The following KIF18B variants were observed in gnomAD, a reference collection of about 807,000 sequenced individuals.
KIF18B encodes the protein kinesin family member 18B.
Under a neutral mutation model 80.9 loss-of-function variants are expected in KIF18B, and 49 were observed. The observed-to-expected ratio is 0.61, with a 90% CI of 0.48 to 0.77. The LOEUF (loss-of-function observed/expected upper bound fraction) is 0.77, where lower values mean the gene tolerates loss of function less well. Among genes scored for constraint, KIF18B ranks in the 30% least tolerant of loss-of-function variants. The pLI is 0.00. For missense variants in KIF18B, 994 were observed against 1,127.7 expected (o/e 0.88, Z 1.70); for synonymous variants, 439 against 463.9 (o/e 0.95, Z 0.69).
intron 1 of KIF18B, among the ~76,000 whole-genome samples, chr17:44,943,838 C>T (rs1305461529): frequency 6.6e-6 from 1 of 152,168 alleles, no homozygotes; most frequent in Non-Finnish European, 1.5e-5. Context: ...ATGTCACCTA[C>T]CTCCCCAGTA....
Position 44,927,130 on chromosome 17 carries a change from G to A in KIF18B, c.2277-52C>T. 1 of 1,401,432 alleles carries A rather than the reference G, an allele frequency of 7.1e-7. No homozygotes were observed. Among genetic ancestry groups the A allele is most frequent in the Non-Finnish European group, 9.8e-7 (1 of 1,019,832 alleles). 86.8% of individuals were successfully genotyped at this position (1,401,432 alleles called of 1,614,324 possible). On this transcript the variant is annotated intron_variant, in intron 13 of 15. Transcript: ENST00000593135. The surrounding 1 kb of genome is among the most constrained non-coding windows in gnomAD (Gnocchi z 4.1). ...CTGATCAGCAGGGAACCGGAAGCAA[G>A]GCCAGCCACTTCCTCCCTCCAGCCC...
chr17:44,947,113 C>CAAAAAAAAAAAAAAAAAAA (rs57955845), intron 1 of KIF18B, among the ~76,000 whole-genome samples: 5 of 54,008 alleles, frequency 9.3e-5, no homozygotes, highest in Admixed American at 2.8e-4. Flanking sequence ...ACTCCATCTC[C>CAAAAAAAAAAAAAAAAAAA]AAAAAAAAAA....
At chr17:44,944,577 G>T (rs2052478741) in intron 1 of KIF18B, among the ~76,000 whole-genome samples, 1 of 152,072 alleles carries the variant, frequency 6.6e-6, no homozygotes, top group African/African-American at 2.4e-5. Flanking sequence ...TGTTATTTTT[G>T]ATATCGTAAA....
chr17:44,939,389 A>AAAAAAAAAAAAAAAAAAAAAAAAAT, intron 1 of KIF18B, among the ~76,000 whole-genome samples: 1 of 150,876 alleles, frequency 6.6e-6, no homozygotes, highest in Admixed American at 6.6e-5. Flanking sequence ...AAAAAAAAAA[A>AAAAAAAAAAAAAAAAAAAAAAAAAT]AAAGAAACAT....
At position 44,928,277 on chromosome 17, in the gene KIF18B, G is replaced by C. The variant is rs760682716; in HGVS notation, c.2025C>G (p.Pro675=). The C allele has an allele frequency of 3.1e-6, 5 of 1,613,434 alleles. No homozygotes were observed. Among genetic ancestry groups the C allele is most frequent in the Non-Finnish European group, 4.2e-6 (5 of 1,179,794 alleles). ...AGGGGGAGGAGGCCCTTTCTCCTTT[G>C]GGGGTGCTGGGCCCCTGTGAAGGTT... The part of the protein sequence containing the change: ...DTQPSQGPST[P]KGERASSPCH... The change falls in exon 13 of 16, where the codon CCC becomes CCG. Residue 675 remains proline, a synonymous_variant. Coordinates refer to ENST00000593135, the MANE Select transcript of KIF18B (RefSeq NM_001265577.2).
rs1567793328 is a variant in KIF18B, at chr17:44,934,795, TG to T, written c.576+35del. ...TTTGTGAGGGAACCCCAAGGACCCATGGGGCCGATCATCCTACCCGAGCCCA... is the reference window on the plus strand; with the variant it reads ...TTTGTGAGGGAACCCCAAGGACCCATGGGCCGATCATCCTACCCGAGCCCA... On this transcript the variant is annotated intron_variant, in intron 4 of 15. Transcript: ENST00000593135. The surrounding 1 kb of genome is among the most constrained non-coding windows in gnomAD (Gnocchi z 5.4). 6.8e-7 allele frequency: 1 copy of T among 1,465,008 alleles called. No homozygotes were observed. The highest frequency in any genetic ancestry group is 9.3e-7 in the Non-Finnish European group (1 of 1,073,870). The allele number at this position is 1,465,008 out of a possible 1,614,324, so 90.8% of individuals were successfully genotyped here.
chr17:44,929,086 T>C, intron 11 of KIF18B, 62 bp from the exon 12 acceptor site: 11 of 1,429,780 alleles, frequency 7.7e-6, no homozygotes, highest in Non-Finnish European at 1.1e-5. Context: ...GGAGCCTCTA[T>C]GCCATGCACC....
chr17:44,931,554 C>T (rs758349068), intron 11 of KIF18B, 48 bp downstream of exon 11: 1 of 1,612,958 alleles, frequency 6.2e-7, no homozygotes, highest in Non-Finnish European at 8.5e-7. Flanking sequence ...GGAGGCTGAG[C>T]CCATTGCTTC....
intron 1 of KIF18B, among the ~76,000 whole-genome samples, chr17:44,941,021 C>T (rs2052404517): frequency 6.8e-6 from 1 of 147,300 alleles, no homozygotes; most frequent in Non-Finnish European, 1.5e-5. Context: ...TGCATATCAT[C>T]TCCTTTTATC....
intron 11 of KIF18B, among the ~76,000 whole-genome samples, chr17:44,930,718 C>G (rs1408061035): frequency 6.6e-5 from 10 of 152,150 alleles, no homozygotes; most frequent in Admixed American, 6.5e-4. Context: ...GGTGTCCTCT[C>G]TCCTTATAAC....
At position 44,928,278 on chromosome 17, in the gene KIF18B, G is replaced by C. The variant is rs202002436; in HGVS notation, c.2024C>G (p.Pro675Arg). The change falls in exon 13 of 16, where the codon CCC (proline) becomes CGC (arginine). Residue 675 changes from proline (P) to arginine (R), a missense_variant. Coordinates refer to ENST00000593135, the MANE Select transcript of KIF18B (RefSeq NM_001265577.2). ...DTQPSQGPST[P>R]KGERASSPCH... ...GGGGGAGGAGGCCCTTTCTCCTTTG[G>C]GGGTGCTGGGCCCCTGTGAAGGTTG... 1,512 of 1,613,522 alleles carry C rather than the reference G, an allele frequency of 9.4e-4. 1 individual carries two copies. The highest frequency in any genetic ancestry group is 1.2e-3 in the Non-Finnish European group (1,393 of 1,179,798).
In KIF18B at chr17:44,925,859, C is replaced by A; in HGVS notation, c.*221G>T. 1 of 597,424 alleles carries A rather than the reference C, an allele frequency of 1.7e-6. No individual in the cohort carries two copies. The highest frequency in any genetic ancestry group is 3.0e-6 in the Non-Finnish European group (1 of 336,634). The allele number at this position is 597,424 out of a possible 1,614,324, so 37.0% of individuals were successfully genotyped here. On this transcript the variant is annotated 3_prime_UTR_variant, in exon 16 of 16. Transcript: ENST00000593135. The stretch of plus-strand genomic sequence containing the variant: ...ATTAACACTCACAAATGAATATGTA[C>A]ATGCCAAGAAGCTGAGTGTAACAGG...
At chr17:44,935,945 G>A (rs1322075756) in intron 2 of KIF18B, 87 bp downstream of exon 2, 23 of 1,232,564 alleles carry the variant, frequency 1.9e-5, no homozygotes, top group Middle Eastern at 2.3e-4. Flanking sequence ...TGGGGGAGGC[G>A]GGCACATGCC....
At chr17:44,931,879 T>C in intron 10 of KIF18B, 150 bp from the exon 11 acceptor site, 4 of 1,230,700 alleles carry the variant, frequency 3.3e-6, no homozygotes, top group Non-Finnish European at 3.4e-6. Flanking sequence ...CACAAGGATC[T>C]GATAAGAGTA....
At chr17:44,941,569 C>G (rs917961191) in intron 1 of KIF18B, among the ~76,000 whole-genome samples, 1 of 152,112 alleles carries the variant, frequency 6.6e-6, no homozygotes, top group Non-Finnish European at 1.5e-5. Context: ...GCACCCCTGA[C>G]CTCAGGTGAT....
chr17:44,945,723 G>A (rs904544228), intron 1 of KIF18B, among the ~76,000 whole-genome samples: 4 of 151,182 alleles, frequency 2.6e-5, no homozygotes, highest in East Asian at 2.0e-4. Flanking sequence ...TGGCCAACAC[G>A]GTGAAACCCC....
intron 11 of KIF18B, among the ~76,000 whole-genome samples, chr17:44,930,587 C>T (rs2052124539): frequency 6.6e-6 from 1 of 152,136 alleles, no homozygotes; most frequent in South Asian, 2.1e-4. Flanking sequence ...GGAGATTTGT[C>T]ACATTTTATT....
intron 11 of KIF18B, among the ~76,000 whole-genome samples, chr17:44,931,120 A>G (rs1325574689): frequency 6.6e-6 from 1 of 152,006 alleles, no homozygotes; most frequent in African/African-American, 2.4e-5. Flanking sequence ...TCCAAAATCC[A>G]TTTTTCTTTG....
chr17:44,935,489 G>T, intron 2 of KIF18B, 73 bp from the exon 3 acceptor site: 1 of 1,453,282 alleles, frequency 6.9e-7, no homozygotes, highest in East Asian at 2.4e-5. Context: ...CCTCCCTCAA[G>T]CCCCTTTCCT....
Sources: gnomAD v4.1 joint callset for allele counts (sites outside exome capture counted in the v4.1 genomes callset) on GRCh38, gnomAD v4.1.1 for gene constraint, Gnocchi (gnomAD v3.1) non-coding constraint, MANE v1.5 for transcripts, NCBI Gene and HGNC (gene_info 2026-07-23, HGNC 2026-07-21) for gene names.